Variants in LCMT1 observed in about 807,000 individuals in gnomAD.
LCMT1 encodes leucine carboxyl methyltransferase 1, also known as [Phosphatase 2A protein]-leucine-carboxy methyltransferase 1.
A neutral mutation model predicts 47.7 loss-of-function variants in LCMT1; 32 were observed. The observed-to-expected ratio is 0.67, with a 90% CI of 0.51 to 0.90. The LOEUF (loss-of-function observed/expected upper bound fraction) is 0.90. LCMT1 is among the 40% of genes least tolerant of loss of function. The probability of loss-of-function intolerance (pLI) is 0.00; values close to 1 mark genes in which losing one functional copy is unlikely to be tolerated. For synonymous variants in LCMT1, 152 were observed against 149.7 expected (o/e 1.02, Z -0.11); for missense variants, 375 against 415.2 (o/e 0.90, Z 0.84).
Position 25,128,493 on chromosome 16 carries a change from C to T in LCMT1, c.132C>T (p.Gly44=). 1 of 1,610,128 alleles carries T rather than the reference C, an allele frequency of 6.2e-7. No individual in the cohort carries two copies. Among genetic ancestry groups the T allele is most frequent in the Non-Finnish European group, 8.5e-7 (1 of 1,178,188 alleles). Residue 44 remains glycine, a synonymous_variant, in exon 2 of 11, where the codon GGC becomes GGT. Coordinates refer to ENST00000399069, the MANE Select transcript of LCMT1 (RefSeq NM_016309.3). The part of the protein sequence containing the change: ...SLCKRFAVSI[G]YWHDPYIQHF... ...CTTCCAGGTTTGCAGTAAGCATTGG[C>T]TACTGGCATGACCCTTACATACAGC...
intron 3 of LCMT1, among the ~76,000 whole-genome samples, chr16:25,132,837 A>G (rs563151478): frequency 6.6e-6 from 1 of 150,486 alleles, no homozygotes; most frequent in Non-Finnish European, 1.5e-5. Context: ...TGGAATGGAG[A>G]GCTCATGCAT....
chr16:25,128,623 G>T (rs1286443818), intron 2 of LCMT1, 57 bp downstream of exon 2: 8 of 1,332,176 alleles, frequency 6.0e-6, no homozygotes, highest in South Asian at 1.3e-5. Context: ...GGTTTTAGGG[G>T]TTCATTCTTG....
intron 2 of LCMT1, among the ~76,000 whole-genome samples, chr16:25,130,528 G>A (rs960745533): frequency 6.6e-6 from 1 of 152,074 alleles, no homozygotes; most frequent in African/African-American, 2.4e-5. Context: ...GCATGTGCCT[G>A]TAGTCCCAGC....
chr16:25,111,908 T>A lies in LCMT1; in HGVS notation c.25T>A (p.Ser9Thr), dbSNP rs749395154. 6.2e-7 allele frequency: 1 copy of A among 1,612,974 alleles called. No homozygotes were observed. The highest frequency in any genetic ancestry group is 1.6e-4 in the Middle Eastern group (1 of 6,084). The change falls in exon 1 of 11, where the codon TCT becomes ACT. Residue 9 changes from serine (S) to threonine (T), a missense_variant. By Grantham distance (58) the Ser-to-Thr change is moderately conservative. Coordinates refer to ENST00000399069, the MANE Select transcript of LCMT1 (RefSeq NM_016309.3). MATRQRES[S>T]ITSCCSTSSC... ...CATGGCCACTAGGCAGAGGGAATCC[T>A]CTATCACCTCCTGCTGTTCCACCTC...
At chr16:25,143,326 T>A (rs1354001127) in intron 4 of LCMT1, 1 of 152,124 alleles carries the variant, frequency 6.6e-6, no homozygotes, top group Non-Finnish European at 1.5e-5. Context: ...CTGAAAGAGT[T>A]TGGCTAGAGT....
At chr16:25,119,536 T>C (rs533401772) in intron 1 of LCMT1, among the ~76,000 whole-genome samples, 35 of 152,306 alleles carry the variant, frequency 2.3e-4, no homozygotes, top group African/African-American at 7.2e-4. Context: ...TACTGACTTT[T>C]AGTGGTCTAT....
Position 25,169,097 on chromosome 16 carries a change from C to A in LCMT1, c.691-15C>A. On this transcript the variant is annotated splice_polypyrimidine_tract_variant and intron_variant, in intron 7 of 10. Transcript: ENST00000399069. ...AACCCTTAGAGTAATATCTTACCTT[C>A]TCTTTCCCTCCTAGGTGAACATGGG... 6.4e-7 allele frequency: 1 copy of A among 1,573,194 alleles called. No individual in the cohort carries two copies. The highest frequency in any genetic ancestry group is 8.7e-7 in the Non-Finnish European group (1 of 1,143,688).
At chr16:25,167,144 G>A (rs1961612791) in intron 7 of LCMT1, among the ~76,000 whole-genome samples, 1 of 152,104 alleles carries the variant, frequency 6.6e-6, no homozygotes, top group Admixed American at 6.6e-5. Flanking sequence ...TTTTCAAAAC[G>A]TTGTCCATAG....
intron 1 of LCMT1, among the ~76,000 whole-genome samples, chr16:25,114,131 G>A (rs1359094638): frequency 6.6e-6 from 1 of 152,156 alleles, no homozygotes; most frequent in African/African-American, 2.4e-5. Context: ...AGTTAGGGTG[G>A]TTCCTGCTGC....
At chr16:25,120,649 G>A (rs570510654) in intron 1 of LCMT1, among the ~76,000 whole-genome samples, 2 of 151,264 alleles carry the variant, frequency 1.3e-5, no homozygotes, top group South Asian at 4.2e-4. Context: ...GTCTGTTCTC[G>A]AACTCCTGAC....
At chr16:25,133,984 A>G (rs1029346520) in intron 3 of LCMT1, among the ~76,000 whole-genome samples, 3 of 150,098 alleles carry the variant, frequency 2.0e-5, no homozygotes, top group African/African-American at 7.4e-5. Flanking sequence ...GTGAGTCGAG[A>G]TCATGCCACC....
chr16:25,124,826 A>C (rs1192743417), intron 1 of LCMT1, among the ~76,000 whole-genome samples: 1 of 152,210 alleles, frequency 6.6e-6, no homozygotes, highest in Non-Finnish European at 1.5e-5. Context: ...AAGTGAGATG[A>C]TTTTAGGTGT....
At chr16:25,124,544 A>G (rs1960100229) in intron 1 of LCMT1, among the ~76,000 whole-genome samples, 1 of 152,252 alleles carries the variant, frequency 6.6e-6, no homozygotes, top group South Asian at 2.1e-4. Context: ...AGCATTTGGA[A>G]TAATGCCTGG....
intron 7 of LCMT1, among the ~76,000 whole-genome samples, chr16:25,168,838 G>C (rs1341618393): frequency 6.6e-6 from 1 of 152,176 alleles, no homozygotes; most frequent in African/African-American, 2.4e-5. Context: ...ACATGTGGGA[G>C]TGTGTCTGTA....
At chr16:25,126,199 G>T (rs142608006) in intron 1 of LCMT1, 6 of 1,275,940 alleles carry the variant, frequency 4.7e-6, no homozygotes, top group Non-Finnish European at 6.1e-6. Context: ...TTATGGACCC[G>T]TGCATCTCAC....
intron 3 of LCMT1, among the ~76,000 whole-genome samples, chr16:25,137,848 T>A (rs1960548210): frequency 6.6e-6 from 1 of 152,178 alleles, no homozygotes; most frequent in East Asian, 1.9e-4. Flanking sequence ...GCCCTGATGT[T>A]TGCTCTTAAG....
intron 6 of LCMT1, 22 bp downstream of exon 6, chr16:25,161,226 C>T (rs201202741): frequency 2.5e-5 from 33 of 1,335,872 alleles, no homozygotes; most frequent in Non-Finnish European, 3.4e-5. Context: ...TTTTTTAAAC[C>T]TCTTCTGCAT....
At chr16:25,115,607 A>G (rs769659548) in intron 1 of LCMT1, among the ~76,000 whole-genome samples, 8 of 152,310 alleles carry the variant, frequency 5.3e-5, no homozygotes, top group East Asian at 3.9e-4. Flanking sequence ...TTCTCAAGAT[A>G]ATATCAGCTA....
chr16:25,124,049 T>A (rs566026548), intron 1 of LCMT1, among the ~76,000 whole-genome samples: 2 of 152,280 alleles, frequency 1.3e-5, no homozygotes, highest in Admixed American at 1.3e-4. Flanking sequence ...TGAGTATTCT[T>A]AGTCCATTTG....
Sources: gnomAD v4.1 joint callset for allele counts (sites outside exome capture counted in the v4.1 genomes callset) on GRCh38, gnomAD v4.1.1 for gene constraint, MANE v1.5 for transcripts, NCBI Gene and HGNC (gene_info 2026-07-23, HGNC 2026-07-21) for gene names.